The following LMTK2 variants were observed in gnomAD, a reference collection of about 807,000 sequenced individuals.
The protein encoded by LMTK2 is serine/threonine-protein kinase LMTK2.
LMTK2 carries 37 observed loss-of-function variants against 127.5 expected under a neutral mutation model. That is an observed-to-expected ratio of 0.29 (90% CI 0.22 to 0.38). The LOEUF (loss-of-function observed/expected upper bound fraction) is 0.38, where lower values mean the gene tolerates loss of function less well. LMTK2 is among the 10% of genes least tolerant of loss of function. LMTK2 has a pLI of 1.00. For synonymous variants in LMTK2, 819 were observed against 810.1 expected (o/e 1.01, Z -0.19); for missense variants, 1,694 against 1,920.3 (o/e 0.88, Z 2.20).
At position 98,192,695 on chromosome 7, in the gene LMTK2, G is replaced by A. The variant is rs532052708; in HGVS notation, c.2230G>A (p.Asp744Asn). The change falls in exon 11 of 14, where the codon GAT becomes AAT. Residue 744 changes from aspartate to asparagine, a missense_variant. Physicochemically the swap from Asp to Asn is conservative, Grantham distance 23. Around this residue, in one of 8 missense-constraint regions of LMTK2, gnomAD observed 527 missense variants for 539.8 expected, o/e 0.98. Coordinates refer to ENST00000297293, the MANE Select transcript of LMTK2 (RefSeq NM_014916.4). ...ATTGTCCAGCAAAGAACACATAAAT[G>A]ATCTTCAGACAGAACTTAAGAATGC... ...GSLSSKEHIN[D>N]LQTELKNAGF... 7 of 1,611,216 alleles carry A rather than the reference G, an allele frequency of 4.3e-6. No individual in the cohort carries two copies. The highest frequency in any genetic ancestry group is 5.9e-6 in the Non-Finnish European group (7 of 1,179,218).
intron 6 of LMTK2, among the ~76,000 whole-genome samples, chr7:98,166,830 AACAAC>A (rs1184480886): frequency 6.6e-6 from 1 of 152,228 alleles, no homozygotes; most frequent in African/African-American, 2.4e-5. Flanking sequence ...GAAATTGCCT[AACAAC>A]ACATTTCTCA....
chr7:98,204,201 G>T lies in LMTK2; in HGVS notation c.4483+15G>T, dbSNP rs373228973. 7 of 1,595,576 alleles carry T rather than the reference G, an allele frequency of 4.4e-6. No individual in the cohort carries two copies. In the Admixed American group the frequency reaches 1.0e-4, roughly 23 times the overall value. On this transcript the variant is annotated intron_variant, in intron 13 of 13. Coordinates refer to ENST00000297293, the MANE Select transcript of LMTK2 (RefSeq NM_014916.4). ...CGAGCAGGGCGGTGAGAGGCGCTGC[G>T]TGCTGGGGATTGGGAGTGCAGGGTC...
intron 1 of LMTK2, among the ~76,000 whole-genome samples, chr7:98,111,927 T>C (rs1267660325): frequency 1.3e-5 from 2 of 152,224 alleles, no homozygotes; most frequent in African/African-American, 2.4e-5. Context: ...GCTGGAAATT[T>C]TTAGGATCAT....
chr7:98,149,592 A>G (rs1796822686), intron 3 of LMTK2, among the ~76,000 whole-genome samples: 1 of 152,234 alleles, frequency 6.6e-6, no homozygotes, highest in Non-Finnish European at 1.5e-5. Context: ...ACTTTGATCC[A>G]TACCTTGCAC....
At chr7:98,177,506 AT>A (rs1160697114) in intron 7 of LMTK2, among the ~76,000 whole-genome samples, 1 of 152,062 alleles carries the variant, frequency 6.6e-6, no homozygotes, top group Non-Finnish European at 1.5e-5. Context: ...TTTATTTTTT[AT>A]TTTTTTGAGA....
chr7:98,173,924 C>T (rs577624805), intron 7 of LMTK2, among the ~76,000 whole-genome samples: 9 of 151,932 alleles, frequency 5.9e-5, no homozygotes, highest in Non-Finnish European at 1.0e-4. Context: ...GATGTGGTGA[C>T]GGGTGCCTGT....
At chr7:98,150,594 G>A (rs1182636546) in intron 3 of LMTK2, among the ~76,000 whole-genome samples, 1 of 152,188 alleles carries the variant, frequency 6.6e-6, no homozygotes, top group Non-Finnish European at 1.5e-5. Context: ...GCCTCAACCT[G>A]TAAATGACAT....
In LMTK2 at chr7:98,194,224, C is replaced by T; in HGVS notation, c.3759C>T (p.Gly1253=). 4 of 1,614,080 alleles carry T rather than the reference C, an allele frequency of 2.5e-6. No individual in the cohort carries two copies. Among genetic ancestry groups the T allele is most frequent in the Non-Finnish European group, 3.4e-6 (4 of 1,180,020 alleles). Residue 1253 remains glycine, a synonymous_variant, in exon 11 of 14, where the codon GGC becomes GGT. Coordinates refer to ENST00000297293, the MANE Select transcript of LMTK2 (RefSeq NM_014916.4). The surrounding 1 kb of genome is among the most constrained non-coding windows in gnomAD (Gnocchi z 5.4). ...LDKSLSSHSE[G]PKLKEPDIEG... ...AGTCCCTGTCCAGCCACTCCGAGGG[C>T]CCGAAGTTGAAGGAGCCGGACATCG...
At chr7:98,168,626 T>G (rs1797138545) in intron 6 of LMTK2, among the ~76,000 whole-genome samples, 1 of 152,240 alleles carries the variant, frequency 6.6e-6, no homozygotes, top group African/African-American at 2.4e-5. Flanking sequence ...ATTAATTAAT[T>G]GCTCCTAGTG....
intron 1 of LMTK2, among the ~76,000 whole-genome samples, chr7:98,131,631 TTATCAGC>T (rs1243399955): frequency 7.9e-5 from 12 of 152,232 alleles, no homozygotes; most frequent in Admixed American, 5.9e-4. Flanking sequence ...TCTTTCTGTG[TTATCAGC>T]TATTGATATA....
intron 3 of LMTK2, among the ~76,000 whole-genome samples, chr7:98,145,667 A>G (rs191954907): frequency 2.4e-3 from 365 of 152,144 alleles, no homozygotes; most frequent in Non-Finnish European, 3.9e-3. Context: ...CTCTGTCATT[A>G]ATTTGTGTAT....
chr7:98,190,581 A>AAACAAC (rs778796219), intron 9 of LMTK2, 147 bp from the exon 10 acceptor site: 7 of 823,994 alleles, frequency 8.5e-6, no homozygotes, highest in South Asian at 1.7e-5. Context: ...CTCTGTCTTA[A>AAACAAC]AACAACAACA....
intron 7 of LMTK2, among the ~76,000 whole-genome samples, chr7:98,175,526 C>T (rs1318371799): frequency 2.6e-5 from 4 of 152,168 alleles, no homozygotes; most frequent in Non-Finnish European, 2.9e-5. Context: ...TGTGCACGTG[C>T]GTGCATGTTT....
chr7:98,128,008 G>A (rs1220593845), intron 1 of LMTK2, among the ~76,000 whole-genome samples: 1 of 152,170 alleles, frequency 6.6e-6, no homozygotes, highest in East Asian at 1.9e-4. Flanking sequence ...GCTGGGTGCG[G>A]TAGCAGGTGC....
chr7:98,141,325 A>C lies in LMTK2; in HGVS notation c.232-72A>C, dbSNP rs1377583915. The C allele has an allele frequency of 8.5e-6, 12 of 1,416,916 alleles. No individual in the cohort carries two copies. The East Asian group carries it at 2.1e-4, about 24-fold the overall frequency. 87.8% of individuals were successfully genotyped at this position (1,416,916 alleles called of 1,614,324 possible). A position where few individuals can be genotyped will look rare whatever the true frequency, so the allele number is the denominator to read the frequency against. Reference sequence around the variant, plus strand: ...AAATAATTGTGGCAGCAAGTTCCAAATCATTGTGCAAATATGTTCCTATTT... The same window carrying C: ...AAATAATTGTGGCAGCAAGTTCCAACTCATTGTGCAAATATGTTCCTATTT... On this transcript the variant is annotated intron_variant, in intron 2 of 13. Transcript: ENST00000297293.
In LMTK2 at chr7:98,202,233, C is replaced by G. The variant is rs2116481909; in HGVS notation, c.4108-1341C>G. ...GCTGTTGAGCCCATCCATTGAATTG[C>G]TAGATTTTGGTTATTATACTTTTCT... On this transcript the variant is annotated intron_variant, in intron 11 of 13. Transcript: ENST00000297293. Among the ~76,000 whole-genome samples, 4 of 152,212 alleles carry G rather than the reference C, an allele frequency of 2.6e-5. 1 individual carries two copies. In the South Asian group the frequency reaches 8.3e-4, roughly 32 times the overall value.
chr7:98,195,711 C>G (rs1057158158), intron 11 of LMTK2, among the ~76,000 whole-genome samples: 5 of 152,150 alleles, frequency 3.3e-5, no homozygotes, highest in Non-Finnish European at 7.3e-5. Flanking sequence ...CTCATGGGTC[C>G]GTGGCTATGG....
At chr7:98,151,266 T>C (rs969767567) in intron 3 of LMTK2, 116 bp from the exon 4 acceptor site, 1 of 605,408 alleles carries the variant, frequency 1.7e-6, no homozygotes, top group African/African-American at 1.9e-5. Context: ...AGGTGTTTTA[T>C]GTATTTATTC....
At position 98,193,383 on chromosome 7, in the gene LMTK2, C is replaced by A. The variant is rs778751721; in HGVS notation, c.2918C>A (p.Thr973Asn). The change falls in exon 11 of 14, where the codon ACC (threonine) becomes AAC (asparagine). Residue 973 changes from threonine to asparagine, a missense_variant. By Grantham distance (65) the Thr-to-Asn change is moderately conservative. This residue lies in a region of LMTK2 where 527 missense variants were observed against 539.8 expected (regional missense o/e 0.98). Coordinates refer to ENST00000297293, the MANE Select transcript of LMTK2 (RefSeq NM_014916.4). The surrounding 1 kb of genome is among the most constrained non-coding windows in gnomAD (Gnocchi z 4.1). ...GTGTCTGCCCTCTCCTCGGACTCAA[C>A]CAGTCAGGACAGCCTCCTGGAGGAC... ...GLVSALSSDS[T>N]SQDSLLEDSL... 7.4e-6 allele frequency: 12 copies of A among 1,614,088 alleles called. No homozygotes were observed. The highest frequency in any genetic ancestry group is 2.2e-5 in the South Asian group (2 of 91,088).
Sources: allele counts gnomAD v4.1 joint callset (sites outside exome capture counted in the v4.1 genomes callset), GRCh38; gene constraint gnomAD v4.1.1; regional missense constraint gnomAD v4.1.1; non-coding constraint Gnocchi (gnomAD v3.1); transcripts MANE v1.5; gene names NCBI Gene and HGNC (gene_info 2026-07-23, HGNC 2026-07-21).